Variants in ARHGEF26 observed in about 807,000 individuals in gnomAD.
The protein encoded by ARHGEF26 is Rho guanine nucleotide exchange factor 26.
ARHGEF26 carries 59 observed loss-of-function variants against 89.4 expected under a neutral mutation model. The observed-to-expected ratio is 0.66, with a 90% CI of 0.54 to 0.82. The LOEUF (loss-of-function observed/expected upper bound fraction) is 0.82, where lower values mean the gene tolerates loss of function less well. ARHGEF26 is among the 40% of genes least tolerant of loss of function. The probability of loss-of-function intolerance (pLI) is 0.00; values close to 1 mark genes in which losing one functional copy is unlikely to be tolerated. For missense variants in ARHGEF26, 1,234 were observed against 1,085.6 expected, an observed-to-expected ratio of 1.14 and a Z score of -1.92; for synonymous variants, 500 against 428.4, an observed-to-expected ratio of 1.17 and a Z score of -2.06.
At chr3:154,137,710 G>A (rs1031277246) in intron 4 of ARHGEF26, among the ~76,000 whole-genome samples, 1 of 151,622 alleles carries the variant, frequency 6.6e-6, no homozygotes, top group African/African-American at 2.4e-5. Flanking sequence ...GGTACAGTGG[G>A]TCCTGCCTGT....
chr3:154,229,766 A>G (rs1716721541), intron 11 of ARHGEF26, among the ~76,000 whole-genome samples: 4 of 152,190 alleles, frequency 2.6e-5, no homozygotes, highest in Admixed American at 2.6e-4. Context: ...GCTAGTTGAC[A>G]ACCACTATAC....
intron 4 of ARHGEF26, among the ~76,000 whole-genome samples, chr3:154,148,126 AG>A (rs1487226681): frequency 6.6e-6 from 1 of 152,186 alleles, no homozygotes; most frequent in Non-Finnish European, 1.5e-5. Context: ...GTTCTGTTAC[AG>A]GCCGTGGAAG....
intron 4 of ARHGEF26, among the ~76,000 whole-genome samples, chr3:154,137,335 G>C (rs536448852): frequency 6.6e-6 from 1 of 152,076 alleles, no homozygotes; most frequent in African/African-American, 2.4e-5. Context: ...GCACCACTTC[G>C]GGGCTCTTCA....
At chr3:154,251,290 T>C (rs17723032) in intron 12 of ARHGEF26, among the ~76,000 whole-genome samples, 9,104 of 152,314 alleles carry the variant, frequency 0.06, 360 homozygotes, top group Non-Finnish European at 0.088. Flanking sequence ...AAAATTAGAT[T>C]AGATGATACT....
chr3:154,175,446 G>T (rs759454017), intron 6 of ARHGEF26, among the ~76,000 whole-genome samples: 1 of 151,960 alleles, frequency 6.6e-6, no homozygotes, highest in Non-Finnish European at 1.5e-5. Context: ...AAAAAAAAGT[G>T]CAAGGAATTA....
chr3:154,167,900 C>T (rs1712144142), intron 6 of ARHGEF26, among the ~76,000 whole-genome samples: 1 of 152,108 alleles, frequency 6.6e-6, no homozygotes, highest in Non-Finnish European at 1.5e-5. Flanking sequence ...TTCTGTAACT[C>T]ATGATTGCAG....
At chr3:154,242,034 T>TA (rs1717509402) in intron 12 of ARHGEF26, among the ~76,000 whole-genome samples, 1 of 152,132 alleles carries the variant, frequency 6.6e-6, no homozygotes, top group Non-Finnish European at 1.5e-5. Context: ...ATGTGAAAAT[T>TA]ACAAGGCACC....
intron 6 of ARHGEF26, among the ~76,000 whole-genome samples, chr3:154,160,670 T>C (rs550136892): frequency 6.9e-6 from 1 of 145,682 alleles, no homozygotes; most frequent in Non-Finnish European, 1.6e-5. Context: ...AGGTGGTGCA[T>C]TGATTGATTG....
chr3:154,251,044 C>CCAA (rs1245450951), intron 12 of ARHGEF26, among the ~76,000 whole-genome samples: 1 of 152,094 alleles, frequency 6.6e-6, no homozygotes, highest in East Asian at 1.9e-4. Context: ...TACTACTTGA[C>CCAA]ACACCATCTT....
chr3:154,210,818 C>T (rs1715317301), intron 9 of ARHGEF26, among the ~76,000 whole-genome samples: 1 of 151,586 alleles, frequency 6.6e-6, no homozygotes, highest in African/African-American at 2.4e-5. Flanking sequence ...TGGTGGGCAC[C>T]TGTAATCCCA....
intron 11 of ARHGEF26, among the ~76,000 whole-genome samples, chr3:154,227,664 T>G (rs2108263907): frequency 6.6e-6 from 1 of 152,324 alleles, no homozygotes; most frequent in South Asian, 2.1e-4. Context: ...ATAGCATTTT[T>G]CCTTGGCTTT....
At chr3:154,254,647 A>C (rs1400232210) in intron 13 of ARHGEF26, 73 bp from the exon 14 acceptor site, 2 of 1,127,250 alleles carry the variant, frequency 1.8e-6, no homozygotes, top group Non-Finnish European at 1.3e-6. Flanking sequence ...AAAAATAAGT[A>C]AGTGTACATT....
At chr3:154,124,372 C>CTTTTTTTTTTTTTTTTTTTTTCTTTT in intron 2 of ARHGEF26, 38 bp from the exon 3 acceptor site, 1 of 1,007,768 alleles carries the variant, frequency 9.9e-7, no homozygotes. Context: ...TTTGCTTTTC[C>CTTTTTTTTTTTTTTTTTTTTTCTTTT]TTTTTTTTTT....
At chr3:154,250,384 AG>A (rs991400942) in intron 12 of ARHGEF26, among the ~76,000 whole-genome samples, 338 of 150,934 alleles carry the variant, frequency 2.2e-3, no homozygotes, top group African/African-American at 7.8e-3. Flanking sequence ...AGCATCTAAG[AG>A]GGGGGGGTGG....
Position 154,122,290 on chromosome 3 carries a change from G to C in ARHGEF26, c.298G>C (p.Glu100Gln), listed in dbSNP as rs1435033370. ...AVANGGTASP[E>Q]YRAASPRLRR... ...GGCCAATGGTGGGACGGCATCCCCG[G>C]AGTACAGGGCTGCCTCTCCTCGACT... The change falls in exon 2 of 15, where the codon GAG becomes CAG. Residue 100 changes from glutamate (E) to glutamine (Q), a missense_variant. By Grantham distance (29) the Glu-to-Gln change is conservative. Coordinates refer to ENST00000465093, the MANE Select transcript of ARHGEF26 (RefSeq NM_015595.4). The C allele has an allele frequency of 6.2e-7, 1 of 1,612,682 alleles. No individual in the cohort carries two copies. Among genetic ancestry groups the C allele is most frequent in the South Asian group, 1.1e-5 (1 of 91,054 alleles).
At chr3:154,178,854 C>T (rs1712999718) in intron 6 of ARHGEF26, among the ~76,000 whole-genome samples, 3 of 152,062 alleles carry the variant, frequency 2.0e-5, no homozygotes, top group Admixed American at 2.0e-4. Flanking sequence ...ACCACCTTTG[C>T]ACCTCAGTTC....
At chr3:154,203,331 C>T (rs1415890117) in intron 9 of ARHGEF26, among the ~76,000 whole-genome samples, 1 of 152,176 alleles carries the variant, frequency 6.6e-6, no homozygotes, top group Non-Finnish European at 1.5e-5. Flanking sequence ...ACCAGCCCTG[C>T]ATCCCAGGGA....
chr3:154,144,944 T>C (rs955190196), intron 4 of ARHGEF26, among the ~76,000 whole-genome samples: 3 of 152,214 alleles, frequency 2.0e-5, no homozygotes, highest in Non-Finnish European at 4.4e-5. Flanking sequence ...TACTTTTTCT[T>C]TCCTTAAAAA....
Position 154,129,522 on chromosome 3 carries a change from T to A in ARHGEF26, c.1124-52T>A. On this transcript the variant is annotated intron_variant, in intron 3 of 14. Transcript: ENST00000465093. ...ACATATGATGTTTATTTAGAACAAG[T>A]AACATAATGATTGAGAACAATTAGT... The A allele has an allele frequency of 1.9e-6, 3 of 1,573,358 alleles. 1 individual carries two copies. In the South Asian group the frequency reaches 3.5e-5, roughly 18 times the overall value.
Sources: allele counts gnomAD v4.1 joint callset (sites outside exome capture counted in the v4.1 genomes callset), GRCh38; gene constraint gnomAD v4.1.1; transcripts MANE v1.5; gene names NCBI Gene and HGNC (gene_info 2026-07-23, HGNC 2026-07-21).